Variants in OLFM3 observed in about 807,000 individuals in gnomAD.
The protein encoded by OLFM3 is noelin-3.
Under a neutral mutation model 48.6 loss-of-function variants are expected in OLFM3, and 20 were observed. The ratio of observed to expected loss-of-function variants is 0.41; its 90% CI spans 0.29 to 0.60. OLFM3 has a LOEUF of 0.60. Ranked by LOEUF, OLFM3 falls within the 20% of genes least tolerant of loss-of-function variation. The pLI is 0.28. For synonymous variants in OLFM3, 222 were observed against 198.1 expected, an observed-to-expected ratio of 1.12 and a Z score of -1.01; for missense variants, 437 against 544.3, an observed-to-expected ratio of 0.80 and a Z score of 1.96.
At chr1:101,853,800 T>G (rs542905240) in intron 1 of OLFM3, among the ~76,000 whole-genome samples, 10 of 152,210 alleles carry the variant, frequency 6.6e-5, no homozygotes, top group African/African-American at 2.4e-4. Context: ...TATACGTGGG[T>G]AATGGATAGT....
At chr1:101,860,257 T>G (rs534782497) in intron 1 of OLFM3, among the ~76,000 whole-genome samples, 2 of 152,190 alleles carry the variant, frequency 1.3e-5, no homozygotes, top group East Asian at 3.9e-4. Flanking sequence ...GGTACCAATA[T>G]TTCTTAGAAG....
intron 1 of OLFM3, among the ~76,000 whole-genome samples, chr1:101,883,281 T>TTA (rs1158140783): frequency 2.0e-5 from 3 of 149,888 alleles, no homozygotes; most frequent in Non-Finnish European, 4.4e-5. Flanking sequence ...ATATTTACAG[T>TTA]TATATATATA....
intron 1 of OLFM3, among the ~76,000 whole-genome samples, chr1:101,881,071 T>A (rs919815199): frequency 6.6e-6 from 1 of 151,910 alleles, no homozygotes; most frequent in African/African-American, 2.4e-5. Flanking sequence ...CTTAGCGGGC[T>A]TGCTGAGTGT....
chr1:101,987,395 G>A (rs892962189), intron 1 of OLFM3, among the ~76,000 whole-genome samples: 2 of 152,080 alleles, frequency 1.3e-5, no homozygotes, highest in African/African-American at 4.8e-5. Context: ...TATATCTGTA[G>A]CATCTATAAA....
intron 1 of OLFM3, among the ~76,000 whole-genome samples, chr1:101,989,620 G>A (rs1269563662): frequency 5.3e-5 from 8 of 151,856 alleles, no homozygotes; most frequent in Admixed American, 5.2e-4. Context: ...TTTGCATGTT[G>A]AGTATAGAAA....
intron 1 of OLFM3, chr1:101,846,882 CCCA>C (rs1459496437): frequency 6.2e-7 from 1 of 1,612,732 alleles, no homozygotes; most frequent in South Asian, 1.1e-5. Context: ...GGTGTTCAGT[CCCA>C]CCAAGGATGG....
chr1:101,973,450 G>A (rs1660866394), intron 1 of OLFM3, among the ~76,000 whole-genome samples: 1 of 152,212 alleles, frequency 6.6e-6, no homozygotes, highest in Admixed American at 6.5e-5. Context: ...TTTGTCTACT[G>A]AGTTTACTGA....
chr1:101,944,557 A>C (rs933903590), intron 1 of OLFM3, among the ~76,000 whole-genome samples: 2 of 152,078 alleles, frequency 1.3e-5, no homozygotes, highest in African/African-American at 4.8e-5. Context: ...TCCTTCATTC[A>C]TCAATCTGAG....
intron 1 of OLFM3, among the ~76,000 whole-genome samples, chr1:101,989,775 A>T (rs571573577): frequency 1.3e-5 from 2 of 152,226 alleles, no homozygotes; most frequent in South Asian, 2.1e-4. Context: ...AAGAAGATCA[A>T]TATAAGCAGA....
At chr1:101,930,471 T>C (rs1451394728) in intron 1 of OLFM3, among the ~76,000 whole-genome samples, 1 of 152,194 alleles carries the variant, frequency 6.6e-6, no homozygotes, top group East Asian at 1.9e-4. Flanking sequence ...AATTAAACTT[T>C]TGGAGCTTTA....
At chr1:101,925,551 C>G (rs1659246049) in intron 1 of OLFM3, among the ~76,000 whole-genome samples, 1 of 151,972 alleles carries the variant, frequency 6.6e-6, no homozygotes, top group African/African-American at 2.4e-5. Flanking sequence ...CAGGATCTTG[C>G]TCTGTCACCC....
intron 1 of OLFM3, among the ~76,000 whole-genome samples, chr1:101,972,034 A>C (rs1474139586): frequency 6.6e-6 from 1 of 152,032 alleles, no homozygotes; most frequent in Non-Finnish European, 1.5e-5. Context: ...TTCAAAATTT[A>C]TTTCTTTTTA....
intron 1 of OLFM3, among the ~76,000 whole-genome samples, chr1:101,956,091 T>TG (rs945451287): frequency 2.0e-4 from 25 of 123,692 alleles, no homozygotes; most frequent in Non-Finnish European, 3.5e-4. Context: ...AACAGGTTTT[T>TG]TTTTTTTTTT....
chr1:101,807,801 T>C (rs1039559820), intron 4 of OLFM3, among the ~76,000 whole-genome samples: 7 of 151,816 alleles, frequency 4.6e-5, no homozygotes, highest in African/African-American at 1.2e-4. Flanking sequence ...TCAGTAAAAC[T>C]GGACCAATAA....
At chr1:101,862,658 A>G (rs1256699158) in intron 1 of OLFM3, among the ~76,000 whole-genome samples, 3 of 152,194 alleles carry the variant, frequency 2.0e-5, no homozygotes, top group Non-Finnish European at 4.4e-5. Flanking sequence ...GTTGCCTTTG[A>G]TAATACTGAT....
At position 101,805,933 on chromosome 1, in the gene OLFM3, T is replaced by C. The variant is rs1352552967; in HGVS notation, c.699+143A>G. ...TGTCATTCTTTCGTAGATATGTTAA[T>C]ATTATCAAACAGAAAATATTTGCAA... On this transcript the variant is annotated intron_variant, in intron 5 of 5. Coordinates refer to ENST00000370103, the MANE Select transcript of OLFM3 (RefSeq NM_058170.4). 1.3e-5 allele frequency: 7 copies of C among 559,796 alleles called. No homozygotes were observed. The Admixed American group carries it at 1.6e-4, about 13-fold the overall frequency. 34.7% of individuals were successfully genotyped at this position (559,796 alleles called of 1,614,324 possible).
chr1:101,951,970 G>A (rs912387633), intron 1 of OLFM3, among the ~76,000 whole-genome samples: 1 of 152,082 alleles, frequency 6.6e-6, no homozygotes, highest in Non-Finnish European at 1.5e-5. Context: ...ACTAAAATAT[G>A]TAAATATTTA....
chr1:101,978,682 A>G (rs1661020470), intron 1 of OLFM3, among the ~76,000 whole-genome samples: 1 of 152,162 alleles, frequency 6.6e-6, no homozygotes, highest in African/African-American at 2.4e-5. Context: ...TTTACACCAA[A>G]CATATATATG....
intron 1 of OLFM3, among the ~76,000 whole-genome samples, chr1:101,930,311 T>A (rs956892427): frequency 2.6e-5 from 4 of 152,182 alleles, no homozygotes; most frequent in Non-Finnish European, 5.9e-5. Context: ...CAAGGAAGAA[T>A]ATAATAGTGG....
Sources: gnomAD v4.1 joint callset for allele counts (sites outside exome capture counted in the v4.1 genomes callset) on GRCh38, gnomAD v4.1.1 for gene constraint, MANE v1.5 for transcripts, NCBI Gene and HGNC (gene_info 2026-07-23, HGNC 2026-07-21) for gene names.